The following ARHGEF3 variants were observed in gnomAD, a reference collection of about 807,000 sequenced individuals.
ARHGEF3 encodes 59.8 kDA protein.
In ARHGEF3, 28 loss-of-function variants were observed where a neutral mutation model predicts 63.2. The observed-to-expected ratio is 0.44, with a 90% CI of 0.33 to 0.61. The LOEUF is 0.61. Ranked by LOEUF, ARHGEF3 falls within the 20% of genes least tolerant of loss-of-function variation. The pLI, the probability that ARHGEF3 is intolerant of heterozygous loss-of-function variation, is 0.03. For missense variants in ARHGEF3, 533 were observed against 659.3 expected, an observed-to-expected ratio of 0.81 and a Z score of 2.10; for synonymous variants, 266 against 254.2, an observed-to-expected ratio of 1.05 and a Z score of -0.44.
At chr3:56,996,148 AAC>A (rs1701980405) in intron 2 of ARHGEF3, among the ~76,000 whole-genome samples, 1 of 152,086 alleles carries the variant, frequency 6.6e-6, no homozygotes, top group African/African-American at 2.4e-5. Context: ...CACCAACTGA[AAC>A]ACAGTCTTAA....
intron 2 of ARHGEF3, among the ~76,000 whole-genome samples, chr3:56,760,350 T>C (rs1003742764): frequency 6.6e-6 from 1 of 152,080 alleles, no homozygotes; most frequent in African/African-American, 2.4e-5. Flanking sequence ...GAAGGTAAGA[T>C]TGAGCATATT....
chr3:56,837,305 A>C (rs1393232928), intron 4 of ARHGEF3, among the ~76,000 whole-genome samples: 1 of 152,156 alleles, frequency 6.6e-6, no homozygotes, highest in Admixed American at 6.5e-5. Flanking sequence ...CTGCTACCAT[A>C]CTCTGAAAAG....
chr3:57,002,489 ATATATATGT>A lies in ARHGEF3; in HGVS notation c.62+32590_62+32598del, dbSNP rs1285501600. ...ATATATATATATATGTTATATATAT[ATATATATGT>A]TATATATATATATATGTTATATATG... On this transcript the variant is annotated intron_variant, in intron 2 of 12. Coordinates refer to the ARHGEF3 transcript ENST00000338458. 6.9e-3 allele frequency among the ~76,000 whole-genome samples: 289 copies of A among 41,714 alleles called. 6 individuals are homozygous for A. Among genetic ancestry groups the A allele is most frequent in the East Asian group, 0.028 (38 of 1,374 alleles). 27.4% of individuals were successfully genotyped at this position (41,714 alleles called of 152,430 possible). A position where few individuals can be genotyped will look rare whatever the true frequency, so the allele number is the denominator to read the frequency against.
At position 56,792,984 on chromosome 3, in the gene ARHGEF3, G is replaced by A. The variant is rs62252689; in HGVS notation, c.96+8719C>T. Among the ~76,000 whole-genome samples, 597 of 145,904 alleles carry A rather than the reference G, an allele frequency of 4.1e-3. 1 individual carries two copies. The highest frequency in any genetic ancestry group is 7.2e-3 in the Non-Finnish European group (482 of 67,290). On this transcript the variant is annotated intron_variant, in intron 1 of 9. Coordinates refer to ENST00000296315, the MANE Select transcript of ARHGEF3 (RefSeq NM_019555.3). The stretch of plus-strand genomic sequence containing the variant: ...TGTATTATTTTCCTGCAACATTCAC[G>A]GCATTGGGTTTTTTTTTTTTTTTAT...
chr3:56,898,872 TG>T (rs1490221268), intron 3 of ARHGEF3, among the ~76,000 whole-genome samples: 2 of 152,046 alleles, frequency 1.3e-5, no homozygotes, highest in South Asian at 2.1e-4. Flanking sequence ...CTGGCTAACA[TG>T]GTGAAACCCC....
At chr3:56,744,960 A>T (rs2034285380) in intron 7 of ARHGEF3, among the ~76,000 whole-genome samples, 1 of 152,184 alleles carries the variant, frequency 6.6e-6, no homozygotes, top group Admixed American at 6.5e-5. Flanking sequence ...AAAATTAAGA[A>T]TTTTACTAAG....
chr3:57,052,448 C>A (rs577999678), intron 1 of ARHGEF3, among the ~76,000 whole-genome samples: 1 of 152,158 alleles, frequency 6.6e-6, no homozygotes, highest in East Asian at 1.9e-4. Context: ...AGGCAACCAC[C>A]ACCATGCCCG....
At chr3:56,903,071 C>A (rs1272007442) in intron 3 of ARHGEF3, among the ~76,000 whole-genome samples, 2 of 56,796 alleles carry the variant, frequency 3.5e-5, no homozygotes, top group Admixed American at 2.2e-4. Flanking sequence ...TCTAAACATA[C>A]ACACACACAC....
At chr3:57,016,535 G>A (rs927634557) in intron 2 of ARHGEF3, among the ~76,000 whole-genome samples, 1 of 152,018 alleles carries the variant, frequency 6.6e-6, no homozygotes, top group Non-Finnish European at 1.5e-5. Flanking sequence ...GCAACAGAGC[G>A]AAACTCCGTC....
At chr3:56,745,703 G>A (rs140598949) in intron 6 of ARHGEF3, among the ~76,000 whole-genome samples, 11 of 151,600 alleles carry the variant, frequency 7.3e-5, no homozygotes, top group Non-Finnish European at 1.5e-4. Context: ...ACGGAGTCTC[G>A]CTCTGTCACC....
At chr3:56,934,758 G>T (rs567568545) in intron 3 of ARHGEF3, among the ~76,000 whole-genome samples, 1 of 152,344 alleles carries the variant, frequency 6.6e-6, no homozygotes, top group South Asian at 2.1e-4. Context: ...CCCACTCCAT[G>T]GGCTCCTGTG....
chr3:56,757,406 G>T (rs776848835), intron 2 of ARHGEF3, among the ~76,000 whole-genome samples: 1 of 152,018 alleles, frequency 6.6e-6, no homozygotes, highest in African/African-American at 2.4e-5. Context: ...CCCAGGAGGC[G>T]GAGATTGCAG....
chr3:57,057,743 T>C (rs1224260088), intron 1 of ARHGEF3, among the ~76,000 whole-genome samples: 1 of 152,202 alleles, frequency 6.6e-6, no homozygotes, highest in Non-Finnish European at 1.5e-5. Flanking sequence ...TTATTTCTTC[T>C]ACACTCAACC....
At chr3:56,796,613 G>T (rs2037382328) in intron 1 of ARHGEF3, among the ~76,000 whole-genome samples, 1 of 152,188 alleles carries the variant, frequency 6.6e-6, no homozygotes, top group African/African-American at 2.4e-5. Flanking sequence ...CAGACACTCA[G>T]GAAAAAAATG....
chr3:56,978,713 A>C (rs562554022), intron 2 of ARHGEF3, among the ~76,000 whole-genome samples: 103 of 152,356 alleles, frequency 6.8e-4, no homozygotes, highest in African/African-American at 2.4e-3. Flanking sequence ...AGAGCATTAA[A>C]ATGACCCAAA....
At chr3:56,933,914 G>A (rs2042479427) in intron 3 of ARHGEF3, among the ~76,000 whole-genome samples, 1 of 152,150 alleles carries the variant, frequency 6.6e-6, no homozygotes, top group South Asian at 2.1e-4. Flanking sequence ...TCTCATGACA[G>A]TGAGTGAGTT....
intron 3 of ARHGEF3, among the ~76,000 whole-genome samples, chr3:56,905,110 A>G (rs1560037812): frequency 6.6e-6 from 1 of 152,100 alleles, no homozygotes; most frequent in Non-Finnish European, 1.5e-5. Context: ...TCCAAAGGTC[A>G]TTTTCTCTAG....
intron 2 of ARHGEF3, among the ~76,000 whole-genome samples, chr3:57,032,050 C>A (rs1338546233): frequency 6.6e-6 from 1 of 152,070 alleles, no homozygotes. Flanking sequence ...AGAATAAGAC[C>A]TAAAGTCAAA....
At chr3:56,768,624 G>A (rs1040407726) in intron 2 of ARHGEF3, among the ~76,000 whole-genome samples, 3 of 145,252 alleles carry the variant, frequency 2.1e-5, no homozygotes, top group Non-Finnish European at 4.5e-5. Flanking sequence ...ATAACAAAGG[G>A]AGGAGGAAAA....
Sources: gnomAD v4.1 joint callset for allele counts (sites outside exome capture counted in the v4.1 genomes callset) on GRCh38, gnomAD v4.1.1 for gene constraint, MANE v1.5 for transcripts, NCBI Gene and HGNC (gene_info 2026-07-23, HGNC 2026-07-21) for gene names.